TAFA1: variants seen among roughly 807,000 people sequenced by gnomAD.
TAFA1 encodes the protein chemokine-like protein TAFA-1.
Under a neutral mutation model 18.5 loss-of-function variants are expected in TAFA1, and 4 were observed. The ratio of observed to expected loss-of-function variants is 0.22; its 90% CI spans 0.11 to 0.49. The LOEUF (loss-of-function observed/expected upper bound fraction) is 0.49. Ranked by LOEUF, TAFA1 falls within the 20% of genes least tolerant of loss-of-function variation. TAFA1 has a pLI of 0.98. For missense variants in TAFA1, 147 were observed against 169.0 expected, an observed-to-expected ratio of 0.87 and a Z score of 0.72; for synonymous variants, 56 against 55.2, an observed-to-expected ratio of 1.01 and a Z score of -0.06.
intron 3 of TAFA1, 54 bp downstream of exon 3, chr3:68,417,474 A>G: frequency 6.5e-7 from 1 of 1,546,976 alleles, no homozygotes. Flanking sequence ...ACTATACATA[A>G]TATAATTTCT....
At chr3:68,114,754 G>A (rs1384463016) in intron 2 of TAFA1, among the ~76,000 whole-genome samples, 2 of 152,062 alleles carry the variant, frequency 1.3e-5, no homozygotes, top group Non-Finnish European at 2.9e-5. Context: ...ATATATATGA[G>A]TGTTCATATC....
chr3:68,443,505 AAG>A (rs1460473829), intron 3 of TAFA1, among the ~76,000 whole-genome samples: 5 of 152,022 alleles, frequency 3.3e-5, no homozygotes, highest in Admixed American at 1.3e-4. Context: ...AACAAAAAAA[AAG>A]AGGTTTGTTG....
intron 3 of TAFA1, among the ~76,000 whole-genome samples, chr3:68,533,130 C>T (rs1371432658): frequency 6.6e-6 from 1 of 150,988 alleles, no homozygotes; most frequent in Non-Finnish European, 1.5e-5. Context: ...TGAGCGGTCG[C>T]ATCCTTATGA....
At chr3:68,200,099 T>C (rs1223026059) in intron 2 of TAFA1, among the ~76,000 whole-genome samples, 1 of 151,654 alleles carries the variant, frequency 6.6e-6, no homozygotes, top group East Asian at 1.9e-4. Context: ...CATATGATCA[T>C]ATGATTTTTC....
chr3:68,162,906 C>A (rs1321862610), intron 2 of TAFA1, among the ~76,000 whole-genome samples: 1 of 152,124 alleles, frequency 6.6e-6, no homozygotes, highest in Non-Finnish European at 1.5e-5. Context: ...TATTTATGTG[C>A]ACTTTAGTGG....
intron 3 of TAFA1, among the ~76,000 whole-genome samples, chr3:68,487,025 T>G (rs182722922): frequency 1.3e-4 from 20 of 152,332 alleles, no homozygotes; most frequent in African/African-American, 4.1e-4. Context: ...AGTAATTTTA[T>G]CCTTTGAGAT....
At chr3:68,360,896 G>A (rs190803054) in intron 2 of TAFA1, among the ~76,000 whole-genome samples, 56 of 152,076 alleles carry the variant, frequency 3.7e-4, no homozygotes, top group African/African-American at 1.2e-3. Flanking sequence ...TTAAGCTGGC[G>A]AGAGGCTTTT....
At chr3:68,374,651 T>G (rs1277819073) in intron 2 of TAFA1, among the ~76,000 whole-genome samples, 1 of 152,116 alleles carries the variant, frequency 6.6e-6, no homozygotes, top group Non-Finnish European at 1.5e-5. Context: ...TATAACCCCA[T>G]CCCATGTATT....
chr3:68,088,871 G>T (rs551498792), intron 2 of TAFA1, among the ~76,000 whole-genome samples: 6 of 152,184 alleles, frequency 3.9e-5, no homozygotes, highest in South Asian at 4.1e-4. Flanking sequence ...CACTGGAGAT[G>T]GTGAGAAACG....
intron 2 of TAFA1, among the ~76,000 whole-genome samples, chr3:68,359,778 T>A (rs1210792300): frequency 6.6e-6 from 1 of 151,982 alleles, no homozygotes; most frequent in African/African-American, 2.4e-5. Flanking sequence ...AGCCACCAAA[T>A]GCCCCTTCAT....
At chr3:68,171,065 G>A (rs2066047337) in intron 2 of TAFA1, among the ~76,000 whole-genome samples, 2 of 152,118 alleles carry the variant, frequency 1.3e-5, no homozygotes, top group African/African-American at 2.4e-5. Context: ...GTAAATTTTT[G>A]TTACACGTTA....
intron 2 of TAFA1, among the ~76,000 whole-genome samples, chr3:68,236,661 G>C (rs564809313): frequency 4.4e-4 from 67 of 152,338 alleles, no homozygotes; most frequent in African/African-American, 1.3e-3. Context: ...TTCAGAGTGT[G>C]TTAATATTTT....
At chr3:68,394,979 A>G (rs192826596) in intron 2 of TAFA1, among the ~76,000 whole-genome samples, 18 of 152,278 alleles carry the variant, frequency 1.2e-4, no homozygotes, top group African/African-American at 4.1e-4. Context: ...AGCTCTGCCC[A>G]TCAGAAGAAA....
chr3:68,117,301 A>G (rs573707586), intron 2 of TAFA1, among the ~76,000 whole-genome samples: 2 of 152,204 alleles, frequency 1.3e-5, no homozygotes, highest in African/African-American at 2.4e-5. Context: ...TCAGGAGCAC[A>G]TTAATTACAT....
chr3:68,379,212 G>A (rs575655813), intron 2 of TAFA1, among the ~76,000 whole-genome samples: 8 of 152,074 alleles, frequency 5.3e-5, no homozygotes, highest in Non-Finnish European at 1.0e-4. Context: ...TCTGATTTGT[G>A]TGAGATGGTA....
intron 3 of TAFA1, among the ~76,000 whole-genome samples, chr3:68,503,684 T>C (rs2072699537): frequency 1.3e-5 from 2 of 152,274 alleles, no homozygotes; most frequent in East Asian, 1.9e-4. Context: ...GTTTTAGTTA[T>C]GTGAATTTTA....
intron 3 of TAFA1, among the ~76,000 whole-genome samples, chr3:68,460,465 A>G (rs2071754022): frequency 6.6e-6 from 1 of 152,168 alleles, no homozygotes; most frequent in Non-Finnish European, 1.5e-5. Flanking sequence ...CTTTTAGCAT[A>G]ATATGGTATA....
At chr3:68,092,430 A>G (rs1453677343) in intron 2 of TAFA1, among the ~76,000 whole-genome samples, 2 of 152,198 alleles carry the variant, frequency 1.3e-5, no homozygotes, top group Non-Finnish European at 2.9e-5. Context: ...GGTGGAGGTC[A>G]GCACATATTC....
chr3:68,169,475 A>C (rs2066025361), intron 2 of TAFA1, among the ~76,000 whole-genome samples: 1 of 152,266 alleles, frequency 6.6e-6, no homozygotes, highest in South Asian at 2.1e-4. Context: ...CACAGAAACC[A>C]TGCAGCAATA....
Sources: gnomAD v4.1 joint callset for allele counts (sites outside exome capture counted in the v4.1 genomes callset) on GRCh38, gnomAD v4.1.1 for gene constraint, MANE v1.5 for transcripts, NCBI Gene and HGNC (gene_info 2026-07-23, HGNC 2026-07-21) for gene names.